CDH12: variants seen among roughly 807,000 people sequenced by gnomAD.
CDH12 encodes cadherin 12, also known as cadherin-12.
A neutral mutation model predicts 74.1 loss-of-function variants in CDH12; 41 were observed. The observed-to-expected ratio is 0.55, with a 90% CI of 0.43 to 0.72. The LOEUF (loss-of-function observed/expected upper bound fraction) is 0.72. Among genes scored for constraint, CDH12 ranks in the 30% least tolerant of loss-of-function variants. The probability of loss-of-function intolerance (pLI) is 0.00; values close to 1 mark genes in which losing one functional copy is unlikely to be tolerated. For missense variants in CDH12, 945 were observed against 977.2 expected (o/e 0.97, Z 0.44); for synonymous variants, 399 against 355.0 (o/e 1.12, Z -1.39).
intron 1 of CDH12, among the ~76,000 whole-genome samples, chr5:22,827,139 C>T (rs1231120128): frequency 6.6e-6 from 1 of 152,156 alleles, no homozygotes; most frequent in African/African-American, 2.4e-5. Flanking sequence ...TGCTCTGAGT[C>T]CCAGCCCCTC....
chr5:22,615,420 G>A (rs1363931958), intron 1 of CDH12, among the ~76,000 whole-genome samples: 2 of 152,006 alleles, frequency 1.3e-5, no homozygotes, highest in Non-Finnish European at 2.9e-5. Flanking sequence ...ATAATTAATA[G>A]AATATAAAAA....
At chr5:22,050,984 A>G (rs1740316472) in intron 5 of CDH12, among the ~76,000 whole-genome samples, 1 of 152,172 alleles carries the variant, frequency 6.6e-6, no homozygotes, top group Non-Finnish European at 1.5e-5. Context: ...CTGGTTAAAA[A>G]TGTAGATTCC....
intron 3 of CDH12, among the ~76,000 whole-genome samples, chr5:22,215,990 C>A (rs900133468): frequency 6.6e-6 from 1 of 152,006 alleles, no homozygotes; most frequent in Admixed American, 6.6e-5. Context: ...AAATAGGTTA[C>A]CATAAGTATT....
intron 1 of CDH12, among the ~76,000 whole-genome samples, chr5:22,817,755 T>C (rs1749464133): frequency 6.6e-6 from 1 of 152,136 alleles, no homozygotes; most frequent in African/African-American, 2.4e-5. Flanking sequence ...GCAAGAGCTG[T>C]TAAAAGTAAA....
intron 1 of CDH12, among the ~76,000 whole-genome samples, chr5:22,818,870 C>T (rs1013393127): frequency 6.6e-6 from 1 of 152,022 alleles, no homozygotes; most frequent in East Asian, 1.9e-4. Context: ...GTTATGTATG[C>T]ATACTCTGTC....
chr5:22,146,183 T>A (rs1018031228), intron 4 of CDH12, among the ~76,000 whole-genome samples: 53 of 152,032 alleles, frequency 3.5e-4, no homozygotes, highest in African/African-American at 1.3e-3. Flanking sequence ...TTAGTAGCCA[T>A]CATAATACAA....
intron 1 of CDH12, among the ~76,000 whole-genome samples, chr5:22,810,808 A>G (rs1326645789): frequency 1.3e-5 from 2 of 152,158 alleles, no homozygotes; most frequent in Non-Finnish European, 2.9e-5. Flanking sequence ...ACTTGAGCCC[A>G]GAAGTTTGAG....
chr5:21,961,889 T>C (rs1407901804), intron 6 of CDH12, among the ~76,000 whole-genome samples: 5 of 152,146 alleles, frequency 3.3e-5, no homozygotes, highest in Non-Finnish European at 5.9e-5. Context: ...TCCATTTACA[T>C]TTAATCAGTG....
At chr5:22,271,728 T>C (rs1736409326) in intron 3 of CDH12, among the ~76,000 whole-genome samples, 1 of 152,180 alleles carries the variant, frequency 6.6e-6, no homozygotes, top group African/African-American at 2.4e-5. Context: ...TATTGCTACA[T>C]TTCCATCAGA....
At chr5:22,576,671 G>C (rs886429570) in intron 1 of CDH12, among the ~76,000 whole-genome samples, 1 of 152,074 alleles carries the variant, frequency 6.6e-6, no homozygotes, top group Non-Finnish European at 1.5e-5. Context: ...TATGCTACTG[G>C]GGAGGGCAGA....
At chr5:22,535,460 T>C (rs1256023344) in intron 1 of CDH12, among the ~76,000 whole-genome samples, 1 of 152,150 alleles carries the variant, frequency 6.6e-6, no homozygotes, top group African/African-American at 2.4e-5. Context: ...CCGGCCTCTA[T>C]TGCATTTTTT....
chr5:22,685,615 T>A (rs1741744992), intron 1 of CDH12, among the ~76,000 whole-genome samples: 1 of 152,254 alleles, frequency 6.6e-6, no homozygotes, highest in Non-Finnish European at 1.5e-5. Context: ...TCTATCCATT[T>A]GCCTATCCTG....
intron 5 of CDH12, among the ~76,000 whole-genome samples, chr5:22,023,166 A>G (rs1190124424): frequency 6.6e-6 from 1 of 152,046 alleles, no homozygotes; most frequent in African/African-American, 2.4e-5. Context: ...CTTACCAACC[A>G]CACTGAGTAT....
intron 3 of CDH12, among the ~76,000 whole-genome samples, chr5:22,256,849 A>G (rs1459686866): frequency 6.6e-6 from 1 of 152,220 alleles, no homozygotes; most frequent in Non-Finnish European, 1.5e-5. Flanking sequence ...GAATATACCC[A>G]AAGGATACAA....
chr5:22,473,230 C>T (rs1255992450), intron 2 of CDH12, among the ~76,000 whole-genome samples: 2 of 152,016 alleles, frequency 1.3e-5, no homozygotes, highest in Admixed American at 6.6e-5. Context: ...AAGCCTTTCC[C>T]GAACTCCCCA....
At chr5:22,540,326 G>A (rs1192787916) in intron 1 of CDH12, among the ~76,000 whole-genome samples, 2 of 151,938 alleles carry the variant, frequency 1.3e-5, no homozygotes, top group South Asian at 2.1e-4. Flanking sequence ...AATCATAGAA[G>A]TTATTATTAT....
chr5:22,468,535 C>CCAGT (rs1051417333), intron 2 of CDH12, among the ~76,000 whole-genome samples: 1 of 152,078 alleles, frequency 6.6e-6, no homozygotes, highest in Non-Finnish European at 1.5e-5. Flanking sequence ...AAATGATATA[C>CCAGT]CAGTCCCCTT....
chr5:21,949,539 G>C (rs139614826), intron 6 of CDH12, among the ~76,000 whole-genome samples: 2 of 152,130 alleles, frequency 1.3e-5, no homozygotes, highest in East Asian at 3.9e-4. Context: ...GTTATGATAG[G>C]AGATGTCAAC....
chr5:22,798,274 C>T (rs193024975), intron 1 of CDH12, among the ~76,000 whole-genome samples: 64 of 152,072 alleles, frequency 4.2e-4, no homozygotes, highest in African/African-American at 1.5e-3. Context: ...GACCTGATAA[C>T]CAATTTGATA....
Sources: gnomAD v4.1 joint callset for allele counts (sites outside exome capture counted in the v4.1 genomes callset) on GRCh38, gnomAD v4.1.1 for gene constraint, MANE v1.5 for transcripts, NCBI Gene and HGNC (gene_info 2026-07-23, HGNC 2026-07-21) for gene names.